The following ANKRD28 variants were observed in gnomAD, a reference collection of about 807,000 sequenced individuals.
ANKRD28 encodes serine/threonine-protein phosphatase 6 regulatory ankyrin repeat subunit A.
In ANKRD28, 44 loss-of-function variants were observed where a neutral mutation model predicts 126.5. That is an observed-to-expected ratio of 0.35 (90% CI 0.27 to 0.45). The LOEUF is 0.45. Ranked by LOEUF, ANKRD28 falls within the 20% of genes least tolerant of loss-of-function variation. ANKRD28 has a pLI of 1.00. For synonymous variants in ANKRD28, 442 were observed against 468.5 expected (o/e 0.94, Z 0.73); for missense variants, 1,110 against 1,316.6 (o/e 0.84, Z 2.43).
rs2061255447 is a variant in ANKRD28, at chr3:15,833,620, C to G, written c.27+25757G>C. Among the ~76,000 whole-genome samples, 1 of 151,260 alleles carries G rather than the reference C, an allele frequency of 6.6e-6. No individual in the cohort carries two copies. The highest frequency in any genetic ancestry group is 1.5e-5 in the Non-Finnish European group (1 of 67,848). ...CTCTAGAGAACCCTAATACAGCACC[C>G]TTGGCAACATCTGTTGTTTTTTTGA... On this transcript the variant is annotated intron_variant, in intron 1 of 27. Transcript: ENST00000399451. This position sits in a 1 kb window ranked among gnomAD's most constrained non-coding sequence, Gnocchi z 4.4.
rs544444144 is a variant in ANKRD28, at chr3:15,681,042, T to C, written c.2390-1479A>G. 2.4e-4 allele frequency among the ~76,000 whole-genome samples: 36 copies of C among 152,258 alleles called. No individual in the cohort carries two copies. In the South Asian group the frequency reaches 4.2e-3, roughly 18 times the overall value. On this transcript the variant is annotated intron_variant, in intron 21 of 27. Coordinates refer to ENST00000683139, the MANE Select transcript of ANKRD28 (RefSeq NM_001349278.2). ...TGATATTGCTGTGGTAAAGGAGAAG[T>C]ATCCAGCCTTGGTATTCTTGGGGGA...
Position 15,685,310 on chromosome 3 carries a change from A to G in ANKRD28, c.2305T>C (p.Leu769=). The G allele has an allele frequency of 1.2e-6, 2 of 1,614,028 alleles. No homozygotes were observed. The highest frequency in any genetic ancestry group is 1.7e-6 in the Non-Finnish European group (2 of 1,179,884). The stretch of plus-strand genomic sequence containing the variant: ...GCATCCATAGATGCTGCTGACTGCA[A>G]AAGGGCTCCAAGAACACCAATGTGT... ...CGHIGVLGAL[L]QSAASMDANP... The change falls in exon 21 of 28, where the codon TTG becomes CTG. Residue 769 remains leucine (L), a synonymous_variant. Coordinates refer to ENST00000683139, the MANE Select transcript of ANKRD28 (RefSeq NM_001349278.2).
rs1397317568 is a variant in ANKRD28 at position 15,846,662 on chromosome 3, C to T, written c.27+12715G>A. Among the ~76,000 whole-genome samples the T allele has an allele frequency of 6.6e-6, 1 of 152,218 alleles. No homozygotes were observed. The highest frequency in any genetic ancestry group is 1.5e-5 in the Non-Finnish European group (1 of 68,044). On this transcript the variant is annotated intron_variant, in intron 1 of 27. Transcript: ENST00000399451. The surrounding 1 kb of genome is among the most constrained non-coding windows in gnomAD (Gnocchi z 5.4). ...GTAATGGATAAATCCCAAATTATCA[C>T]ATAACAGAATAGGTTATTTTTATTT...
At chr3:15,672,431 TGTGCCC>T (rs2066473371) in intron 27 of ANKRD28, among the ~76,000 whole-genome samples, 1 of 152,114 alleles carries the variant, frequency 6.6e-6, no homozygotes, top group South Asian at 2.1e-4. Context: ...AGTAAGCCAC[TGTGCCC>T]AGCCACAAAA....
intron 4 of ANKRD28, among the ~76,000 whole-genome samples, chr3:15,741,737 T>TTTTTTTTTTTTTTTTA (rs2057033597): frequency 9.5e-6 from 1 of 104,846 alleles, no homozygotes; most frequent in African/African-American, 3.6e-5. Flanking sequence ...TTTTTTTTTT[T>TTTTTTTTTTTTTTTTA]AGCAATTCTT....
intron 2 of ANKRD28, among the ~76,000 whole-genome samples, chr3:15,791,144 A>T (rs957045470): frequency 6.6e-6 from 1 of 152,206 alleles, no homozygotes; most frequent in Non-Finnish European, 1.5e-5. Context: ...AAAAAATGGA[A>T]AAATATTCCA....
At chr3:15,729,157 G>T (rs991186440) in intron 6 of ANKRD28, among the ~76,000 whole-genome samples, 1 of 152,144 alleles carries the variant, frequency 6.6e-6, no homozygotes, top group African/African-American at 2.4e-5. Flanking sequence ...ACATAGAAAG[G>T]CCAGGAAGGG....
chr3:15,672,158 T>C (rs1295439384), intron 27 of ANKRD28, among the ~76,000 whole-genome samples: 1 of 151,910 alleles, frequency 6.6e-6, no homozygotes. Context: ...TTTTTTTTTT[T>C]TTTTTGAGAC....
At chr3:15,725,062 T>C (rs1036507965) in intron 6 of ANKRD28, among the ~76,000 whole-genome samples, 18 of 152,194 alleles carry the variant, frequency 1.2e-4, no homozygotes, top group African/African-American at 3.9e-4. Flanking sequence ...AAAAAGAATG[T>C]TGGCCCTCTG....
intron 1 of ANKRD28, among the ~76,000 whole-genome samples, chr3:15,803,166 T>G (rs557129331): frequency 6.6e-6 from 1 of 152,332 alleles, no homozygotes; most frequent in African/African-American, 2.4e-5. Context: ...GAAGTCATGA[T>G]TTGCTTTTGC....
Position 15,685,367 on chromosome 3 carries a change from G to A in ANKRD28, c.2248C>T (p.Arg750Trp), listed in dbSNP as rs932955269. Residue 750 changes from arginine to tryptophan, a missense_variant, in exon 21 of 28, where the codon CGG becomes TGG. Physicochemically the swap from Arg to Trp is moderately radical, Grantham distance 101 (BLOSUM62 -3). Coordinates refer to ENST00000683139, the MANE Select transcript of ANKRD28 (RefSeq NM_001349278.2). The stretch of plus-strand genomic sequence containing the variant: ...GCAGCAGACAGGTGTATAGGCGTCC[G>A]GCCCCTGCTATCCCGAAGTAAGCAC... Reference protein sequence around the residue: ...AKCLLRDSRGRTPIHLSAACG... With the variant: ...AKCLLRDSRGWTPIHLSAACG... 15 of 1,613,872 alleles carry A rather than the reference G, an allele frequency of 9.3e-6. No individual in the cohort carries two copies. The highest frequency in any genetic ancestry group is 1.6e-4 in the Middle Eastern group (1 of 6,084).
chr3:15,786,832 T>G (rs1018779285), intron 2 of ANKRD28, among the ~76,000 whole-genome samples: 1 of 152,112 alleles, frequency 6.6e-6, no homozygotes, highest in Non-Finnish European at 1.5e-5. Flanking sequence ...AAAATGCCAG[T>G]ATTTACCGTC....
Position 15,694,758 on chromosome 3 carries a change from A to ATTG in ANKRD28, c.1739_1741dup (p.Thr580dup). ...ACTCACAGCCAAGTGTAAAGGGCTT[A>ATTG]TTGTTGCTCTATTATCTGAATCACT... On this transcript the variant is annotated inframe_insertion, in exon 17 of 28. Transcript: ENST00000683139. 6.2e-7 allele frequency: 1 copy of ATTG among 1,613,478 alleles called. No homozygotes were observed. Among genetic ancestry groups the ATTG allele is most frequent in the Non-Finnish European group, 8.5e-7 (1 of 1,179,490 alleles).
At chr3:15,781,077 TG>T (rs1396926741) in intron 2 of ANKRD28, among the ~76,000 whole-genome samples, 1 of 150,666 alleles carries the variant, frequency 6.6e-6, no homozygotes. Flanking sequence ...CTGCATTAAA[TG>T]AAAAAGCTTT....
At chr3:15,717,454 G>A (rs2073201979) in intron 8 of ANKRD28, among the ~76,000 whole-genome samples, 2 of 151,932 alleles carry the variant, frequency 1.3e-5, no homozygotes, top group Admixed American at 1.3e-4. Flanking sequence ...TTTCTGAACT[G>A]GAGAAACAAT....
chr3:15,791,351 C>G (rs914598962), intron 2 of ANKRD28, among the ~76,000 whole-genome samples: 4 of 150,996 alleles, frequency 2.6e-5, no homozygotes, highest in Non-Finnish European at 4.5e-5. Context: ...ATCCCATTAT[C>G]TAACTTCAAA....
intron 4 of ANKRD28, among the ~76,000 whole-genome samples, chr3:15,739,749 A>G (rs1479889110): frequency 6.6e-6 from 1 of 152,256 alleles, no homozygotes; most frequent in Middle Eastern, 3.2e-3. Context: ...ATACCATTTT[A>G]GGCCTCTGAA....
Position 15,713,578 on chromosome 3 carries a change from C to T in ANKRD28, c.1139G>A (p.Gly380Asp). Reference protein sequence around the residue: ...NTPLHIAARYGHELLINTLIT... With the variant: ...NTPLHIAARYDHELLINTLIT... ...AAGAGTGTTGATCAGCAGCTCATGG[C>T]CATACCGTGCTGCTATGTGCAAAGG... The change falls in exon 10 of 28, where the codon GGC (glycine) becomes GAC (aspartate). Residue 380 changes from glycine to aspartate, a missense_variant. By Grantham distance (94) the Gly-to-Asp change is moderately conservative. Coordinates refer to ENST00000683139, the MANE Select transcript of ANKRD28 (RefSeq NM_001349278.2). 1.9e-6 allele frequency: 3 copies of T among 1,611,186 alleles called. No individual in the cohort carries two copies. The highest frequency in any genetic ancestry group is 2.5e-6 in the Non-Finnish European group (3 of 1,179,062).
chr3:15,790,905 G>A (rs1003103507), intron 2 of ANKRD28, among the ~76,000 whole-genome samples: 1 of 151,846 alleles, frequency 6.6e-6, no homozygotes, highest in Non-Finnish European at 1.5e-5. Flanking sequence ...CATTCCACAA[G>A]AAAACTAGAA....
Sources: gnomAD v4.1 joint callset for allele counts (sites outside exome capture counted in the v4.1 genomes callset) on GRCh38, gnomAD v4.1.1 for gene constraint, Gnocchi (gnomAD v3.1) non-coding constraint, MANE v1.5 for transcripts, NCBI Gene and HGNC (gene_info 2026-07-23, HGNC 2026-07-21) for gene names.